UTP20: variants seen among roughly 807,000 people sequenced by gnomAD.
The protein encoded by UTP20 is small subunit processome component 20 homolog.
A neutral mutation model predicts 329.5 loss-of-function variants in UTP20; 164 were observed. The observed-to-expected ratio is 0.50, with a 90% CI of 0.44 to 0.57. UTP20 has a LOEUF of 0.57. UTP20 is among the 20% of genes least tolerant of loss of function. The pLI is 0.00. For missense variants in UTP20, 3,055 were observed against 3,284.2 expected (o/e 0.93, Z 1.71); for synonymous variants, 1,151 against 1,159.3 (o/e 0.99, Z 0.14).
In UTP20 at chr12:101,365,562, C is replaced by T; in HGVS notation, c.6062C>T (p.Ser2021Phe). 1 of 1,612,770 alleles carries T rather than the reference C, an allele frequency of 6.2e-7. No individual in the cohort carries two copies. The part of the protein sequence containing the change: ...LIVNQEMTAE[S>F]ILLLSYGLIS... ...GTAAATCAGGAAATGACAGCTGAAT[C>T]CATTCTATTACTCAGTTATGGTTTG... Residue 2021 changes from serine to phenylalanine, a missense_variant, in exon 46 of 62, where the codon TCC (serine) becomes TTC (phenylalanine). Ser to Phe is a radical substitution (Grantham distance 155). This residue lies in a region of UTP20 where 2,445 missense variants were observed against 2,575.5 expected (regional missense o/e 0.95). Coordinates refer to ENST00000261637, the MANE Select transcript of UTP20 (RefSeq NM_014503.3).
In UTP20 at chr12:101,304,836, G is replaced by A. The variant is rs540686357; in HGVS notation, c.1782-1079G>A. 2.0e-4 allele frequency among the ~76,000 whole-genome samples: 31 copies of A among 152,200 alleles called. No homozygotes were observed. In the South Asian group the frequency reaches 5.6e-3, roughly 28 times the overall value. ...ATCCAGCATCCTCATCATGTTCCTC[G>A]GGGCTCCGTATGAGCTAACTCCTGG... On this transcript the variant is annotated intron_variant, in intron 15 of 61. Transcript: ENST00000261637.
rs753771405 is a variant in UTP20, at chr12:101,371,104, T to C, written c.6734T>C (p.Met2245Thr). 17 of 1,614,150 alleles carry C rather than the reference T, an allele frequency of 1.1e-5. No individual in the cohort carries two copies. The highest frequency in any genetic ancestry group is 1.4e-5 in the Non-Finnish European group (17 of 1,180,002). The change falls in exon 51 of 62, where the codon ATG becomes ACG. Residue 2245 changes from methionine (M) to threonine (T), a missense_variant. By Grantham distance (81) the Met-to-Thr change is moderately conservative (BLOSUM62 -1). This residue lies in a region of UTP20 where 273 missense variants were observed against 363.1 expected (regional missense o/e 0.75). Coordinates refer to ENST00000261637, the MANE Select transcript of UTP20 (RefSeq NM_014503.3). The part of the protein sequence containing the change: ...KLLVPEIDEV[M>T]RKVSKLAVSA... ...TTGGTCCCAGAAATCGATGAGGTCATGCGGAAAGTATCCAAGTTGGCAGTC... is the reference window on the plus strand; with the variant it reads ...TTGGTCCCAGAAATCGATGAGGTCACGCGGAAAGTATCCAAGTTGGCAGTC...
chr12:101,339,829 T>G (rs975370741), intron 31 of UTP20, among the ~76,000 whole-genome samples: 7 of 152,228 alleles, frequency 4.6e-5, no homozygotes, highest in African/African-American at 1.4e-4. Context: ...AATGTATTTT[T>G]TCTGTTACTT....
chr12:101,339,052 C>T (rs1477262969), intron 31 of UTP20, 95 bp downstream of exon 31: 30 of 1,304,432 alleles, frequency 2.3e-5, no homozygotes, highest in Non-Finnish European at 2.9e-5. Context: ...GTGGCTCACA[C>T]CTGTAATCCC....
intron 56 of UTP20, among the ~76,000 whole-genome samples, chr12:101,378,376 C>T (rs2121053494): frequency 6.6e-6 from 1 of 152,282 alleles, no homozygotes; most frequent in East Asian, 1.9e-4. Context: ...ACCAATTCTA[C>T]TGATTAGAAA....
At chr12:101,309,866 C>T in intron 19 of UTP20, 27 bp downstream of exon 19, 2 of 1,595,306 alleles carry the variant, frequency 1.3e-6, no homozygotes, top group Non-Finnish European at 1.7e-6. Flanking sequence ...TGGGATGAAA[C>T]TATTATACTT....
At chr12:101,280,470 T>A (rs938723182) in intron 1 of UTP20, 143 bp downstream of exon 1, 2 of 1,021,518 alleles carry the variant, frequency 2.0e-6, no homozygotes, top group Non-Finnish European at 2.9e-6. Flanking sequence ...AGGGAGACAC[T>A]GGATGTAGTA....
Position 101,356,738 on chromosome 12 carries a change from G to C in UTP20, c.5534+45G>C, listed in dbSNP as rs148622264. The C allele has an allele frequency of 5.7e-6, 9 of 1,576,882 alleles. No individual in the cohort carries two copies. In the African/African-American group the frequency reaches 9.5e-5, roughly 17 times the overall value. On this transcript the variant is annotated intron_variant, in intron 42 of 61. Transcript: ENST00000261637. ...AGAAGTTTAGTGAAACTCAAAAATT[G>C]GTTCTTTTCTTCCTTACTTTTGAGT...
intron 38 of UTP20, among the ~76,000 whole-genome samples, chr12:101,347,580 C>T (rs925906359): frequency 6.6e-6 from 1 of 152,068 alleles, no homozygotes; most frequent in African/African-American, 2.4e-5. Flanking sequence ...AATCTAACTG[C>T]AGTAATGTCA....
chr12:101,360,333 G>T (rs1200782876), intron 43 of UTP20, among the ~76,000 whole-genome samples: 1 of 152,104 alleles, frequency 6.6e-6, no homozygotes, highest in African/African-American at 2.4e-5. Flanking sequence ...TGAGCCCAGG[G>T]TGTTCAAAAC....
chr12:101,309,154 A>G (rs1872715128), intron 18 of UTP20, among the ~76,000 whole-genome samples: 1 of 152,152 alleles, frequency 6.6e-6, no homozygotes, highest in Non-Finnish European at 1.5e-5. Flanking sequence ...TTCTTCTCTT[A>G]CCTGTTTTAT....
rs141955314 is a variant in UTP20 at position 101,366,570 on chromosome 12, C to A, written c.6138C>A (p.Ala2046=). The part of the protein sequence containing the change: ...LLTEKEKNPV[A]PAPDPRLPPQ... ...ACGTGATTGACAGAAATCCAGTAGC[C>A]CCAGCACCAGATCCACGTCTACCAC... The change falls in exon 47 of 62, where the codon GCC becomes GCA. Residue 2046 remains alanine, a synonymous_variant. Transcript: ENST00000261637. 2.6e-5 allele frequency: 42 copies of A among 1,613,374 alleles called. No individual in the cohort carries two copies. The highest frequency in any genetic ancestry group is 3.4e-5 in the Non-Finnish European group (40 of 1,179,796).
chr12:101,286,545 G>T (rs752960893), intron 5 of UTP20, 36 bp downstream of exon 5: 6 of 1,459,162 alleles, frequency 4.1e-6, no homozygotes, highest in Non-Finnish European at 5.5e-6. Context: ...TTTTTTAATT[G>T]CCTGCTTCTT....
In UTP20 at chr12:101,317,565, A is replaced by G; in HGVS notation, c.2640A>G (p.Glu880=). ...KGKGMVAEEI[E]EEPAAGDDEE... is the part of the protein sequence containing the mutation. ...AAGGGATGGTGGCAGAGGAAATCGA[A>G]GAGGAACCTGCCGCAGGAGATGATG... The change falls in exon 22 of 62, where the codon GAA becomes GAG. Residue 880 remains glutamate, a synonymous_variant. Transcript: ENST00000261637. The G allele has an allele frequency of 1.2e-6, 2 of 1,614,170 alleles. No homozygotes were observed. The highest frequency in any genetic ancestry group is 1.7e-6 in the Non-Finnish European group (2 of 1,180,016).
chr12:101,319,213 A>G (rs756139099), intron 22 of UTP20, among the ~76,000 whole-genome samples: 2 of 152,232 alleles, frequency 1.3e-5, no homozygotes, highest in Admixed American at 6.5e-5. Flanking sequence ...GAACCTAGAC[A>G]AGGAATAATT....
intron 46 of UTP20, 58 bp from the exon 47 acceptor site, chr12:101,366,500 T>G (rs1008795661): frequency 1.5e-5 from 23 of 1,555,832 alleles, no homozygotes; most frequent in Non-Finnish European, 1.9e-5. Context: ...CCACTCTAAC[T>G]TCTTGGAATG....
intron 39 of UTP20, among the ~76,000 whole-genome samples, 181 bp downstream of exon 39, chr12:101,352,375 T>C (rs1006625818): frequency 1.3e-5 from 2 of 152,176 alleles, no homozygotes; most frequent in Admixed American, 6.6e-5. Flanking sequence ...TGCATGTGTC[T>C]TTATAGCAGC....
chr12:101,290,619 G>T, intron 7 of UTP20, 114 bp from the exon 8 acceptor site: 1 of 1,205,408 alleles, frequency 8.3e-7, no homozygotes. Context: ...CCATATCCTT[G>T]ACTATTCCAG....
At chr12:101,355,614 C>A (rs10860715) in intron 41 of UTP20, among the ~76,000 whole-genome samples, 57,202 of 151,944 alleles carry the variant, frequency 0.38, 11,258 homozygotes, top group Middle Eastern at 0.47. Flanking sequence ...TATTGGAACA[C>A]AATTATCCAC....
Sources: gnomAD v4.1 joint callset for allele counts (sites outside exome capture counted in the v4.1 genomes callset) on GRCh38, gnomAD v4.1.1 for gene constraint, gnomAD v4.1.1 regional missense constraint, MANE v1.5 for transcripts, NCBI Gene and HGNC (gene_info 2026-07-23, HGNC 2026-07-21) for gene names.